Variants in SUGCT observed in about 807,000 individuals in gnomAD.
SUGCT encodes the protein succinyl-CoA:glutarate CoA-transferase.
A neutral mutation model predicts 55.0 loss-of-function variants in SUGCT; 41 were observed. The ratio of observed to expected loss-of-function variants is 0.74; its 90% CI spans 0.58 to 0.97. The LOEUF (loss-of-function observed/expected upper bound fraction) is 0.97. Ranked by LOEUF, SUGCT falls within the 50% of genes least tolerant of loss-of-function variation. The pLI is 0.00. For missense variants in SUGCT, 568 were observed against 547.8 expected (o/e 1.04, Z -0.37); for synonymous variants, 187 against 200.4 (o/e 0.93, Z 0.56).
At position 40,656,046 on chromosome 7, in the gene SUGCT, T is replaced by C. The variant is rs140136134; in HGVS notation, c.1090-93388T>C. Among the ~76,000 whole-genome samples, 494 of 152,308 alleles carry C rather than the reference T, an allele frequency of 3.2e-3. 8 individuals carry two copies. Among genetic ancestry groups the C allele is most frequent in the East Asian group, 0.03 (158 of 5,184 alleles). On this transcript the variant is annotated intron_variant, in intron 12 of 13. Transcript: ENST00000335693. Reference sequence around the variant, plus strand: ...CTATAGCCAGATAGTCATAATTGTTTGTTGTTTTACATATGCTATACAATT... The same window carrying C: ...CTATAGCCAGATAGTCATAATTGTTCGTTGTTTTACATATGCTATACAATT...
At chr7:40,168,289 C>G (rs1784513575) in intron 1 of SUGCT, among the ~76,000 whole-genome samples, 2 of 152,274 alleles carry the variant, frequency 1.3e-5, no homozygotes, top group South Asian at 4.1e-4. Context: ...CTAACTGCTT[C>G]CTGCTGAATT....
At chr7:40,189,065 T>C (rs957622314) in intron 4 of SUGCT, among the ~76,000 whole-genome samples, 3 of 152,182 alleles carry the variant, frequency 2.0e-5, no homozygotes, top group Non-Finnish European at 4.4e-5. Context: ...CTTTCATGGC[T>C]GGGCACGGTG....
intron 12 of SUGCT, among the ~76,000 whole-genome samples, chr7:40,510,997 T>G (rs543334410): frequency 1.3e-5 from 2 of 152,270 alleles, no homozygotes; most frequent in Admixed American, 6.5e-5. Context: ...ATATCTGAAG[T>G]TTTAAAAGAT....
intron 1 of SUGCT, among the ~76,000 whole-genome samples, chr7:40,170,981 C>T (rs1381824789): frequency 1.3e-5 from 2 of 152,098 alleles, no homozygotes; most frequent in Non-Finnish European, 1.5e-5. Context: ...GGGCTGGGTT[C>T]CTGAATATTT....
chr7:40,441,890 G>A (rs1788535237), intron 9 of SUGCT, among the ~76,000 whole-genome samples: 1 of 152,116 alleles, frequency 6.6e-6, no homozygotes, highest in Admixed American at 6.6e-5. Flanking sequence ...AATCTTAGCA[G>A]TGTCCAAATT....
At chr7:40,271,625 C>A (rs1490119062) in intron 7 of SUGCT, among the ~76,000 whole-genome samples, 2 of 152,006 alleles carry the variant, frequency 1.3e-5, no homozygotes, top group Non-Finnish European at 2.9e-5. Flanking sequence ...ATAATCAGAT[C>A]AGGGCTGTTG....
chr7:40,258,515 A>G (rs950649765), intron 7 of SUGCT, among the ~76,000 whole-genome samples: 4 of 152,112 alleles, frequency 2.6e-5, no homozygotes, highest in African/African-American at 9.7e-5. Flanking sequence ...AGTAGCTGGG[A>G]TTACAGGAGT....
intron 10 of SUGCT, among the ~76,000 whole-genome samples, chr7:40,450,117 G>A (rs1390612553): frequency 6.6e-6 from 1 of 152,038 alleles, no homozygotes; most frequent in Non-Finnish European, 1.5e-5. Context: ...TAGTAGAGAT[G>A]TGGTTTCACT....
the SUGCT span, among the ~76,000 whole-genome samples, chr7:41,024,932 G>A: frequency 4.6e-5 from 7 of 152,198 alleles, no homozygotes; most frequent in East Asian, 7.7e-4. Flanking sequence ...AGACATGGGC[G>A]TGTATAAGTT....
At chr7:40,877,214 T>A in the SUGCT span, among the ~76,000 whole-genome samples, 1 of 152,190 alleles carries the variant, frequency 6.6e-6, no homozygotes, top group South Asian at 2.1e-4. Context: ...CATTAAATAG[T>A]CTTTAGATAA....
chr7:40,507,712 G>A (rs1037794724), intron 12 of SUGCT, among the ~76,000 whole-genome samples: 1 of 152,098 alleles, frequency 6.6e-6, no homozygotes, highest in African/African-American at 2.4e-5. Flanking sequence ...TAAGTACCTC[G>A]TGCCAGTGAG....
intron 9 of SUGCT, among the ~76,000 whole-genome samples, chr7:40,383,900 A>G (rs1784990135): frequency 6.6e-6 from 1 of 152,040 alleles, no homozygotes; most frequent in Admixed American, 6.6e-5. Context: ...CTTCTGTAAT[A>G]TGCTTCCCCC....
At chr7:40,398,796 G>T (rs1463282597) in intron 9 of SUGCT, among the ~76,000 whole-genome samples, 1 of 152,084 alleles carries the variant, frequency 6.6e-6, no homozygotes, top group Non-Finnish European at 1.5e-5. Flanking sequence ...AATTTTTGGA[G>T]GGGTCTGGAG....
At chr7:40,822,015 T>C (rs1175122551) in intron 13 of SUGCT, among the ~76,000 whole-genome samples, 1 of 152,226 alleles carries the variant, frequency 6.6e-6, no homozygotes, top group Non-Finnish European at 1.5e-5. Context: ...CTTCATTTCA[T>C]TATGTACCCA....
intron 9 of SUGCT, among the ~76,000 whole-genome samples, chr7:40,361,440 G>A (rs1254041598): frequency 2.6e-5 from 4 of 152,026 alleles, no homozygotes; most frequent in Non-Finnish European, 5.9e-5. Flanking sequence ...CAGGCGTGGT[G>A]ACGGGCACCT....
intron 13 of SUGCT, among the ~76,000 whole-genome samples, chr7:40,757,996 A>G (rs1391480572): frequency 6.6e-6 from 1 of 152,198 alleles, no homozygotes. Flanking sequence ...GAGAAGTAAA[A>G]ACAAATATCT....
At chr7:40,863,861 C>A (rs978219229), downstream of SUGCT, among the ~76,000 whole-genome samples, 15 of 151,896 alleles carry the variant, frequency 9.9e-5, no homozygotes, top group African/African-American at 3.6e-4. Flanking sequence ...CACTCCTCTT[C>A]CTGCTTGATC....
chr7:40,829,280 G>GCT (rs1407293153), intron 13 of SUGCT, among the ~76,000 whole-genome samples: 1 of 152,176 alleles, frequency 6.6e-6, no homozygotes, highest in Non-Finnish European at 1.5e-5. Flanking sequence ...TGCTGCTGCT[G>GCT]CTGCTGCTCT....
chr7:40,791,959 G>C (rs936726484), intron 13 of SUGCT, among the ~76,000 whole-genome samples: 33 of 151,974 alleles, frequency 2.2e-4, no homozygotes, highest in Admixed American at 1.9e-3. Flanking sequence ...TTTCTTCTGG[G>C]GTAACTCCTC....
Sources: allele counts gnomAD v4.1 joint callset (sites outside exome capture counted in the v4.1 genomes callset), GRCh38; gene constraint gnomAD v4.1.1; transcripts MANE v1.5; gene names NCBI Gene and HGNC (gene_info 2026-07-23, HGNC 2026-07-21).